CD1C: variants seen among roughly 807,000 people sequenced by gnomAD.
The protein encoded by CD1C is T-cell surface glycoprotein CD1c.
A neutral mutation model predicts 39.4 loss-of-function variants in CD1C; 47 were observed. The observed-to-expected ratio is 1.19, with a 90% CI of 0.94 to 1.52. The LOEUF is 1.52. Among genes scored for constraint, CD1C ranks in the 40% most tolerant of loss-of-function variants. CD1C has a pLI of 0.00. For synonymous variants in CD1C, 165 were observed against 150.8 expected, an observed-to-expected ratio of 1.09 and a Z score of -0.69; for missense variants, 417 against 395.2, an observed-to-expected ratio of 1.06 and a Z score of -0.47.
chr1:158,292,738 T>C lies in CD1C; in HGVS notation c.753T>C (p.His251=). The change falls in exon 4 of 6, where the codon CAT becomes CAC. Residue 251 remains histidine (H), a synonymous_variant. Coordinates refer to ENST00000368170, the MANE Select transcript of CD1C (RefSeq NM_001765.3). ...AACAGGAGCAACTGGGCACTAAACA[T>C]GGTGATATTCTTCCTAATGCTGATG... The part of the protein sequence containing the change: ...RNEQEQLGTK[H]GDILPNADGT... 6.2e-7 allele frequency: 1 copy of C among 1,614,110 alleles called. No individual in the cohort carries two copies. The highest frequency in any genetic ancestry group is 8.5e-7 in the Non-Finnish European group (1 of 1,180,016).
chr1:158,290,112 T>C lies in CD1C; in HGVS notation c.48T>C (p.Gly16=). 1 of 1,613,970 alleles carries C rather than the reference T, an allele frequency of 6.2e-7. No homozygotes were observed. Among genetic ancestry groups the C allele is most frequent in the Non-Finnish European group, 8.5e-7 (1 of 1,179,896 alleles). ...FLLLALLLPG[G]DNADASQEHV... is the part of the protein sequence containing the mutation. Reference sequence around the variant, plus strand: ...TGCTAGCTCTTCTTCTCCCAGGTGGTGACAATGCAGACGGTAAGAACATCG... The same window carrying C: ...TGCTAGCTCTTCTTCTCCCAGGTGGCGACAATGCAGACGGTAAGAACATCG... The change falls in exon 1 of 6, where the codon GGT becomes GGC. Residue 16 remains glycine (G), a synonymous_variant. Coordinates refer to ENST00000368170, the MANE Select transcript of CD1C (RefSeq NM_001765.3).
chr1:158,292,649 T>C lies in CD1C; in HGVS notation c.664T>C (p.Leu222=). ...SRPSLGSGQL[L]LVCHASGFYP... is the part of the protein sequence containing the mutation. The stretch of plus-strand genomic sequence containing the variant: ...CCCCAGCCTTGGGTCTGGCCAGCTG[T>C]TGCTGGTTTGTCATGCCTCCGGCTT... Residue 222 remains leucine (L), a synonymous_variant, in exon 4 of 6, where the codon TTG becomes CTG. Coordinates refer to ENST00000368170, the MANE Select transcript of CD1C (RefSeq NM_001765.3). 1 of 1,613,612 alleles carries C rather than the reference T, an allele frequency of 6.2e-7. No individual in the cohort carries two copies. The highest frequency in any genetic ancestry group is 2.2e-5 in the East Asian group (1 of 44,884).
chr1:158,293,280 G>A lies in CD1C; in HGVS notation c.958G>A (p.Val320Met). The change falls in exon 5 of 6, where the codon GTG becomes ATG. Residue 320 changes from valine (V) to methionine (M), a missense_variant. Physicochemically the swap from Val to Met is conservative, Grantham distance 21 (BLOSUM62 1). Coordinates refer to ENST00000368170, the MANE Select transcript of CD1C (RefSeq NM_001765.3). ...IVPLVILIVL[V>M]LWFKKHCSYQ... The stretch of plus-strand genomic sequence containing the variant: ...GCCCTTGGTGATTCTAATAGTCCTT[G>A]TGTTATGGTTTAAGAAGCACTGGTG... 2 of 1,613,996 alleles carry A rather than the reference G, an allele frequency of 1.2e-6. No homozygotes were observed. The highest frequency in any genetic ancestry group is 1.7e-6 in the Non-Finnish European group (2 of 1,179,910).
In CD1C at chr1:158,292,772, T is replaced by G; in HGVS notation, c.787T>G (p.Tyr263Asp). The change falls in exon 4 of 6, where the codon TAT becomes GAT. Residue 263 changes from tyrosine to aspartate, a missense_variant. Coordinates refer to ENST00000368170, the MANE Select transcript of CD1C (RefSeq NM_001765.3). ...TCTTCCTAATGCTGATGGGACATGG[T>G]ATCTTCAGGTGATCCTGGAGGTGGC... Reference protein sequence around the residue: ...DILPNADGTWYLQVILEVASE... With the variant: ...DILPNADGTWDLQVILEVASE... 1 of 1,614,180 alleles carries G rather than the reference T, an allele frequency of 6.2e-7. No homozygotes were observed. The highest frequency in any genetic ancestry group is 8.5e-7 in the Non-Finnish European group (1 of 1,180,026).
At position 158,293,410 on chromosome 1, in the gene CD1C, A is replaced by G. The variant is rs1157887600; in HGVS notation, c.981-45A>G. 3 of 1,608,284 alleles carry G rather than the reference A, an allele frequency of 1.9e-6. No homozygotes were observed. The Admixed American group carries it at 5.0e-5, about 27-fold the overall frequency. On this transcript the variant is annotated intron_variant, in intron 5 of 5. Transcript: ENST00000368170. ...CTACTCCACCTTATCCTCAGTTACC[A>G]CCTCCAACTTATTCAGGGTTTCTCC...
chr1:158,291,160 G>C lies in CD1C; in HGVS notation c.88G>C (p.Val30Leu). The C allele has an allele frequency of 6.2e-7, 1 of 1,606,298 alleles. No individual in the cohort carries two copies. Among genetic ancestry groups the C allele is most frequent in the Non-Finnish European group, 8.5e-7 (1 of 1,178,190 alleles). ...ATCCCAGGAACACGTCTCCTTCCATGTCATCCAGATCTTCTCATTTGTCAA... is the reference window on the plus strand; with the variant it reads ...ATCCCAGGAACACGTCTCCTTCCATCTCATCCAGATCTTCTCATTTGTCAA... ...DASQEHVSFHVIQIFSFVNQS... is the reference protein window; with the variant it reads ...DASQEHVSFHLIQIFSFVNQS... Residue 30 changes from valine to leucine, a missense_variant, in exon 2 of 6, where the codon GTC (valine) becomes CTC (leucine). Transcript: ENST00000368170.
In CD1C at chr1:158,293,279, T is replaced by C; in HGVS notation, c.957T>C (p.Leu319=). 1 of 1,614,022 alleles carries C rather than the reference T, an allele frequency of 6.2e-7. No homozygotes were observed. Among genetic ancestry groups the C allele is most frequent in the Non-Finnish European group, 8.5e-7 (1 of 1,179,916 alleles). ...TGCCCTTGGTGATTCTAATAGTCCTTGTGTTATGGTTTAAGAAGCACTGGT... is the reference window on the plus strand; with the variant it reads ...TGCCCTTGGTGATTCTAATAGTCCTCGTGTTATGGTTTAAGAAGCACTGGT... ...VIVPLVILIV[L]VLWFKKHCSY... Residue 319 remains leucine, a synonymous_variant, in exon 5 of 6, where the codon CTT becomes CTC. Coordinates refer to ENST00000368170, the MANE Select transcript of CD1C (RefSeq NM_001765.3).
chr1:158,293,140 G>C, intron 4 of CD1C, 72 bp from the exon 5 acceptor site: 2 of 1,219,204 alleles, frequency 1.6e-6, no homozygotes, highest in Non-Finnish European at 2.4e-6. Flanking sequence ...TGTTAAGTAA[G>C]GAAATCAATA....
At chr1:158,290,494 T>C (rs1264879722) in intron 1 of CD1C, among the ~76,000 whole-genome samples, 3 of 152,022 alleles carry the variant, frequency 2.0e-5, no homozygotes, top group African/African-American at 7.2e-5. Context: ...TCTAAGGCAG[T>C]TGAGGAAGGG....
chr1:158,293,307 GTT>G lies in CD1C; in HGVS notation c.980+10_980+11del. 18 of 1,611,550 alleles carry G rather than the reference GTT, an allele frequency of 1.1e-5. No homozygotes were observed. The highest frequency in any genetic ancestry group is 1.4e-5 in the Non-Finnish European group (17 of 1,178,436). On this transcript the variant is annotated splice_donor_region_variant and intron_variant, in intron 5 of 5. Transcript: ENST00000368170. ...GTTATGGTTTAAGAAGCACTGGTGA[GTT>G]TTTTGTATTTCCTCCTCTCCTCCCA...
rs766559952 is a variant in CD1C at position 158,291,292 on chromosome 1, G to A, written c.220G>A (p.Gly74Ser). 6.2e-7 allele frequency: 1 copy of A among 1,614,004 alleles called. No individual in the cohort carries two copies. Among genetic ancestry groups the A allele is most frequent in the Admixed American group, 1.7e-5 (1 of 59,998 alleles). The change falls in exon 2 of 6, where the codon GGC becomes AGC. Residue 74 changes from glycine (G) to serine (S), a missense_variant. Physicochemically the swap from Gly to Ser is moderately conservative, Grantham distance 56. Transcript: ENST00000368170. ...AATTTTCCTGCATAACTGGTCCAAG[G>A]GCAACTTCAGCAATGAAGAGTTGTC... The part of the protein sequence containing the change: ...TIIFLHNWSK[G>S]NFSNEELSDL...
chr1:158,291,762 A>T (rs1042257780), intron 2 of CD1C, among the ~76,000 whole-genome samples: 1 of 152,066 alleles, frequency 6.6e-6, no homozygotes, highest in Non-Finnish European at 1.5e-5. Context: ...GACCAATTTC[A>T]TGCGTCATGG....
chr1:158,290,217 C>A, intron 1 of CD1C, 92 bp downstream of exon 1: 2 of 1,160,178 alleles, frequency 1.7e-6, no homozygotes, highest in Non-Finnish European at 1.3e-6. Context: ...TGCCAGAATG[C>A]TTGCCATCTG....
At position 158,290,761 on chromosome 1, in the gene CD1C, T is replaced by A. The variant is rs553289697; in HGVS notation, c.62-373T>A. On this transcript the variant is annotated intron_variant, in intron 1 of 5. Transcript: ENST00000368170. ...GGCTTTTCTGAGAGAAGGAAACAAC[T>A]GCAAATGACATGCTGTTTCTGTAGT... 2.4e-4 allele frequency among the ~76,000 whole-genome samples: 37 copies of A among 152,338 alleles called. No individual in the cohort carries two copies. In the South Asian group the frequency reaches 7.5e-3, roughly 31 times the overall value.
At position 158,294,164 on chromosome 1, in the gene CD1C, G is replaced by A. The variant is rs1286774296; in HGVS notation, c.*688G>A. Among the ~76,000 whole-genome samples the A allele has an allele frequency of 6.6e-6, 1 of 152,172 alleles. No individual in the cohort carries two copies. Among genetic ancestry groups the A allele is most frequent in the Non-Finnish European group, 1.5e-5 (1 of 68,036 alleles). On this transcript the variant is annotated 3_prime_UTR_variant, in exon 6 of 6. Transcript: ENST00000368170. ...GTGCAAGTTACATGTGATGATCAGT[G>A]GTGCAGATATGTCACAGAATACTTA...
chr1:158,292,993 T>G, intron 4 of CD1C, 119 bp downstream of exon 4: 1 of 1,026,056 alleles, frequency 9.7e-7, no homozygotes. Context: ...TATAGGGTAA[T>G]TTAAAGAATA....
Position 158,294,230 on chromosome 1 carries a change from G to A in CD1C, c.*754G>A, listed in dbSNP as rs73023949. On this transcript the variant is annotated 3_prime_UTR_variant, in exon 6 of 6. Coordinates refer to ENST00000368170, the MANE Select transcript of CD1C (RefSeq NM_001765.3). ...GATTTGGTCCTCAGGGTTGGAGTGG[G>A]ATCAAGGCAACCGTTGTGCTGTATA... 0.019 allele frequency among the ~76,000 whole-genome samples: 2,970 copies of A among 152,338 alleles called. 99 individuals carry two copies. The highest frequency in any genetic ancestry group is 0.067 in the African/African-American group (2,791 of 41,574).
chr1:158,291,039 C>A, intron 1 of CD1C, 95 bp from the exon 2 acceptor site: 1 of 1,283,526 alleles, frequency 7.8e-7, no homozygotes, highest in African/African-American at 1.5e-5. Flanking sequence ...TAATGTTTCT[C>A]TGTGGTAACT....
Position 158,289,946 on chromosome 1 carries a change from G to T in CD1C, c.-119G>T. On this transcript the variant is annotated 5_prime_UTR_variant, in exon 1 of 6. Transcript: ENST00000368170. ...GCAGATCTTCTTAGTTGCTGTCAGC[G>T]GCTGATGGGGAAGATTGTTGGTAGA... is the stretch of plus-strand genomic sequence containing the variant. 1.2e-6 allele frequency: 1 copy of T among 842,118 alleles called. No individual in the cohort carries two copies. 52.2% of individuals were successfully genotyped at this position (842,118 alleles called of 1,614,324 possible).
Sources: gnomAD v4.1 joint callset for allele counts (sites outside exome capture counted in the v4.1 genomes callset) on GRCh38, gnomAD v4.1.1 for gene constraint, MANE v1.5 for transcripts, NCBI Gene and HGNC (gene_info 2026-07-23, HGNC 2026-07-21) for gene names.